Variants in ARHGEF12 observed in about 807,000 individuals in gnomAD.
ARHGEF12 encodes Rho guanine nucleotide exchange factor 12, also known as KMT2A/ARHGEF12 fusion protein.
A neutral mutation model predicts 211.2 loss-of-function variants in ARHGEF12; 66 were observed. The ratio of observed to expected loss-of-function variants is 0.31; its 90% confidence interval spans 0.26 to 0.38. ARHGEF12 has a LOEUF of 0.38. ARHGEF12 is among the 10% of genes least tolerant of loss of function. The pLI is 1.00. For missense variants in ARHGEF12, 1,429 were observed against 1,869.5 expected, an observed-to-expected ratio of 0.76 and a Z score of 4.34; for synonymous variants, 592 against 638.4, an observed-to-expected ratio of 0.93 and a Z score of 1.09.
At chr11:120,403,710 A>G (rs924300303) in intron 1 of ARHGEF12, among the ~76,000 whole-genome samples, 3 of 152,218 alleles carry the variant, frequency 2.0e-5, no homozygotes, top group Admixed American at 1.3e-4. Flanking sequence ...TATCAATATG[A>G]TATTTTCAAA....
chr11:120,352,804 G>A lies in ARHGEF12; in HGVS notation c.32+15529G>A, dbSNP rs73580229. Among the ~76,000 whole-genome samples, 788 of 152,296 alleles carry A rather than the reference G, an allele frequency of 5.2e-3. 9 individuals are homozygous for A. The highest frequency in any genetic ancestry group is 0.018 in the African/African-American group (741 of 41,556). ...TTCTCCCCATAAGGGGATCTGTTAC[G>A]TGTACTTGTGGGACCACACAGTGCT... is the stretch of plus-strand genomic sequence containing the variant. On this transcript the variant is annotated intron_variant, in intron 1 of 40. Coordinates refer to ENST00000397843, the MANE Select transcript of ARHGEF12 (RefSeq NM_015313.3).
intron 29 of ARHGEF12, among the ~76,000 whole-genome samples, chr11:120,467,766 C>T (rs372855675): frequency 6.6e-6 from 1 of 152,096 alleles, no homozygotes; most frequent in Non-Finnish European, 1.5e-5. Context: ...ATCTAGTCTT[C>T]TTCGGGCTGT....
intron 1 of ARHGEF12, among the ~76,000 whole-genome samples, chr11:120,380,623 C>T (rs1030917202): frequency 1.3e-5 from 2 of 152,162 alleles, no homozygotes; most frequent in South Asian, 2.1e-4. Flanking sequence ...ATGATGTCCA[C>T]GTGGCATCAC....
chr11:120,396,521 T>A (rs1164107179), intron 1 of ARHGEF12, among the ~76,000 whole-genome samples: 1 of 152,216 alleles, frequency 6.6e-6, no homozygotes, highest in Non-Finnish European at 1.5e-5. Context: ...ATGAAAAGGG[T>A]ACTTCACCCC....
intron 1 of ARHGEF12, among the ~76,000 whole-genome samples, chr11:120,349,390 C>G (rs1200010951): frequency 6.6e-6 from 1 of 151,590 alleles, no homozygotes; most frequent in African/African-American, 2.4e-5. Flanking sequence ...CATTTTTTGT[C>G]AGAGATAAAA....
At chr11:120,460,824 A>G (rs1300756027) in intron 27 of ARHGEF12, 67 bp downstream of exon 27, 10 of 1,351,524 alleles carry the variant, frequency 7.4e-6, no homozygotes, top group South Asian at 7.1e-5. Context: ...CAAGTTGAGT[A>G]ACTAACCTTT....
intron 1 of ARHGEF12, among the ~76,000 whole-genome samples, chr11:120,375,112 G>T (rs1943690760): frequency 6.6e-6 from 1 of 152,172 alleles, no homozygotes; most frequent in African/African-American, 2.4e-5. Flanking sequence ...TGCCCAGAAT[G>T]ACCCTCTCTT....
intron 20 of ARHGEF12, 122 bp from the exon 21 acceptor site, chr11:120,448,987 G>T: frequency 1.3e-6 from 1 of 762,682 alleles, no homozygotes. Context: ...GCATACACAC[G>T]TGTACGGGTT....
chr11:120,391,864 A>G (rs905154977), intron 1 of ARHGEF12, among the ~76,000 whole-genome samples: 1 of 152,228 alleles, frequency 6.6e-6, no homozygotes, highest in African/African-American at 2.4e-5. Flanking sequence ...GAGAAATAAT[A>G]TATCAATATT....
At chr11:120,440,250 G>A (rs7108596) in intron 13 of ARHGEF12, 29 bp downstream of exon 13, 339,733 of 1,546,202 alleles carry the variant, frequency 0.22, 38,757 homozygotes, top group Non-Finnish European at 0.23. Flanking sequence ...CTAAAAAATA[G>A]ATTGTTACTT....
chr11:120,388,578 T>A (rs953458083), intron 1 of ARHGEF12, among the ~76,000 whole-genome samples: 1 of 152,208 alleles, frequency 6.6e-6, no homozygotes, highest in African/African-American at 2.4e-5. Context: ...TGTGTTACAT[T>A]CCCATTAGCA....
intron 1 of ARHGEF12, among the ~76,000 whole-genome samples, chr11:120,364,887 C>G (rs1943381850): frequency 6.7e-6 from 1 of 148,454 alleles, no homozygotes. Flanking sequence ...GGCACAATCA[C>G]AGCTCACTGT....
rs973006916 is a variant in ARHGEF12 at position 120,489,187 on chromosome 11, C to A, written c.*4110C>A. ...GAGCATCCCTAGCAACAAGGCTAAACCTTCATGACAGTGCTGGCAGGTGGG... is the reference window on the plus strand; with the variant it reads ...GAGCATCCCTAGCAACAAGGCTAAAACTTCATGACAGTGCTGGCAGGTGGG... On this transcript the variant is annotated 3_prime_UTR_variant, in exon 41 of 41. Transcript: ENST00000397843. 15 of 227,594 alleles carry A rather than the reference C, an allele frequency of 6.6e-5. No homozygotes were observed. Among genetic ancestry groups the A allele is most frequent in the Non-Finnish European group, 1.2e-4 (14 of 114,422 alleles). The allele number at this position is 227,594 out of a possible 1,614,324, so 14.1% of individuals were successfully genotyped here.
chr11:120,408,741 A>G (rs1304846437), intron 3 of ARHGEF12: 2 of 152,072 alleles, frequency 1.3e-5, no homozygotes, highest in Non-Finnish European at 2.9e-5. Flanking sequence ...AATATTATAA[A>G]TATTATCTAG....
At chr11:120,482,222 T>C (rs1448998759) in intron 39 of ARHGEF12, among the ~76,000 whole-genome samples, 2 of 152,188 alleles carry the variant, frequency 1.3e-5, no homozygotes, top group African/African-American at 4.8e-5. Context: ...GTTTATGTAG[T>C]TATGAATCTA....
intron 37 of ARHGEF12, among the ~76,000 whole-genome samples, chr11:120,479,423 G>A (rs1947163441): frequency 6.6e-6 from 1 of 152,292 alleles, no homozygotes; most frequent in East Asian, 1.9e-4. Context: ...ATCATTGTCT[G>A]GGTGACCTCA....
At chr11:120,447,444 C>G (rs1946077592) in intron 18 of ARHGEF12, among the ~76,000 whole-genome samples, 2 of 152,074 alleles carry the variant, frequency 1.3e-5, no homozygotes, top group South Asian at 4.2e-4. Context: ...TTTAGGGGAT[C>G]AGGGTTCTTT....
In ARHGEF12 at chr11:120,468,009, T is replaced by C. The variant is rs1253161795; in HGVS notation, c.2854+701T>C. Among the ~76,000 whole-genome samples, 8 of 152,328 alleles carry C rather than the reference T, an allele frequency of 5.3e-5. 1 individual carries two copies. In the South Asian group the frequency reaches 1.7e-3, roughly 32 times the overall value. On this transcript the variant is annotated intron_variant, in intron 29 of 40. Transcript: ENST00000397843. ...GTAAAATTATCTGGTTCAACCATCC[T>C]TGTTCTAGCCTGCATCATTTTTGCT...
At chr11:120,478,715 A>G (rs1027889400) in intron 37 of ARHGEF12, among the ~76,000 whole-genome samples, 2 of 152,248 alleles carry the variant, frequency 1.3e-5, no homozygotes, top group South Asian at 2.1e-4. Context: ...GACTAAAGGT[A>G]TGAAAAAAGA....
Sources: gnomAD v4.1 joint callset for allele counts (sites outside exome capture counted in the v4.1 genomes callset) on GRCh38, gnomAD v4.1.1 for gene constraint, MANE v1.5 for transcripts, NCBI Gene and HGNC (gene_info 2026-07-23, HGNC 2026-07-21) for gene names.